The following DLG2 variants were observed in gnomAD, a reference collection of about 807,000 sequenced individuals.
DLG2 encodes discs large MAGUK scaffold protein 2, also known as disks large homolog 2.
A neutral mutation model predicts 132.5 loss-of-function variants in DLG2; 45 were observed. The observed-to-expected ratio is 0.34, with a 90% confidence interval of 0.27 to 0.44. The LOEUF (loss-of-function observed/expected upper bound fraction) is 0.44, where lower values mean the gene tolerates loss of function less well. Among genes scored for constraint, DLG2 ranks in the 20% least tolerant of loss-of-function variants. The probability of loss-of-function intolerance (pLI) is 1.00; values close to 1 mark genes in which losing one functional copy is unlikely to be tolerated. For synonymous variants in DLG2, 424 were observed against 419.6 expected (o/e 1.01, Z -0.13); for missense variants, 1,045 against 1,196.9 (o/e 0.87, Z 1.87).
chr11:83,508,672 T>C (rs1020683994), intron 21 of DLG2, among the ~76,000 whole-genome samples: 9 of 152,120 alleles, frequency 5.9e-5, no homozygotes, highest in African/African-American at 1.9e-4. Context: ...CTATGACATA[T>C]ACACATACAG....
intron 6 of DLG2, among the ~76,000 whole-genome samples, chr11:84,613,365 T>C (rs2099598685): frequency 6.6e-6 from 1 of 152,110 alleles, no homozygotes; most frequent in African/African-American, 2.4e-5. Context: ...CCCACAAAAA[T>C]TTCAGACTAG....
intron 6 of DLG2, among the ~76,000 whole-genome samples, chr11:84,792,470 C>CT (rs555597963): frequency 4.9e-4 from 74 of 150,936 alleles, no homozygotes; most frequent in Non-Finnish European, 7.5e-4. Context: ...CCTTTCTCTT[C>CT]TTTTTTTTTG....
intron 6 of DLG2, among the ~76,000 whole-genome samples, chr11:84,618,337 G>A (rs1358024898): frequency 2.0e-5 from 3 of 151,994 alleles, no homozygotes; most frequent in Non-Finnish European, 4.4e-5. Flanking sequence ...TCCCACTTCC[G>A]TCATTACAGC....
intron 3 of DLG2, among the ~76,000 whole-genome samples, chr11:85,422,672 G>C (rs566281789): frequency 6.6e-6 from 1 of 151,900 alleles, no homozygotes. Context: ...TGTATTTTTA[G>C]TAGAGATGGG....
intron 7 of DLG2, among the ~76,000 whole-genome samples, chr11:84,532,159 A>T (rs1217444604): frequency 7.8e-6 from 1 of 127,582 alleles, no homozygotes; most frequent in East Asian, 2.3e-4. Flanking sequence ...CCGGGCTAGC[A>T]TCCCTCATAA....
At chr11:84,756,559 A>T (rs2066901194) in intron 6 of DLG2, among the ~76,000 whole-genome samples, 1 of 152,204 alleles carries the variant, frequency 6.6e-6, no homozygotes, top group East Asian at 1.9e-4. Context: ...AAAAATACAG[A>T]TAATTCCACT....
At chr11:84,183,498 C>A (rs886749432) in intron 8 of DLG2, among the ~76,000 whole-genome samples, 9 of 152,070 alleles carry the variant, frequency 5.9e-5, no homozygotes, top group African/African-American at 2.2e-4. Context: ...TAAAAAAATT[C>A]ACTAGAGCAG....
rs189459620 is a variant in DLG2, at chr11:85,299,181, T to C, written c.41-13816A>G. Among the ~76,000 whole-genome samples, 311 of 152,192 alleles carry C rather than the reference T, an allele frequency of 2.0e-3. 5 individuals are homozygous for C. The highest frequency in any genetic ancestry group is 7.1e-3 in the African/African-American group (294 of 41,526). On this transcript the variant is annotated intron_variant, in intron 3 of 27. Transcript: ENST00000376104. The stretch of plus-strand genomic sequence containing the variant: ...ATTCCCAATACTCCTATGAGATAGG[T>C]ATTATTTTTATCCCTTTACGAAGGA...
At chr11:85,161,740 G>A (rs2078045281) in intron 4 of DLG2, among the ~76,000 whole-genome samples, 1 of 152,150 alleles carries the variant, frequency 6.6e-6, no homozygotes. Flanking sequence ...TGAAACAGCT[G>A]GATTGACAGA....
rs564295681 is a variant in DLG2, at chr11:84,750,073, G to A, written c.358-215342C>T. Reference sequence around the variant, plus strand: ...ATATATGCCACCTTTTTCATTTGCCGCAAAGAACCACTCACTTGTTCCAAC... The same window carrying A: ...ATATATGCCACCTTTTTCATTTGCCACAAAGAACCACTCACTTGTTCCAAC... On this transcript the variant is annotated intron_variant, in intron 6 of 27. Transcript: ENST00000376104. 1.8e-4 allele frequency among the ~76,000 whole-genome samples: 28 copies of A among 152,060 alleles called. No individual in the cohort carries two copies. In the East Asian group the frequency reaches 3.5e-3, roughly 19 times the overall value.
intron 18 of DLG2, among the ~76,000 whole-genome samples, chr11:83,681,419 A>C (rs2078777629): frequency 6.6e-6 from 1 of 152,288 alleles, no homozygotes; most frequent in East Asian, 1.9e-4. Flanking sequence ...GTGATAATGA[A>C]ACTAGAGAAA....
At position 84,889,740 on chromosome 11, in the gene DLG2, G is replaced by A. The variant is rs149969509; in HGVS notation, c.357+221921C>T. 3.2e-3 allele frequency among the ~76,000 whole-genome samples: 492 copies of A among 152,284 alleles called. 4 individuals carry two copies. The highest frequency in any genetic ancestry group is 0.011 in the African/African-American group (439 of 41,576). On this transcript the variant is annotated intron_variant, in intron 6 of 27. Coordinates refer to ENST00000376104, the MANE Select transcript of DLG2 (RefSeq NM_001142699.3). ...TGAGGTCTTCCAAGGCAAAGCCCTT[G>A]TTGTTACCCATCATGCTGAGGGTTA...
chr11:85,193,129 T>A (rs1169966682), intron 4 of DLG2, among the ~76,000 whole-genome samples: 1 of 152,160 alleles, frequency 6.6e-6, no homozygotes, highest in African/African-American at 2.4e-5. Context: ...CTACTTTCTA[T>A]CTCTATGAAT....
chr11:84,842,665 G>GT (rs1205380070), intron 6 of DLG2, among the ~76,000 whole-genome samples: 2 of 151,908 alleles, frequency 1.3e-5, no homozygotes, highest in Non-Finnish European at 2.9e-5. Context: ...CCACAGAAAG[G>GT]TTGTGCGTAG....
intron 14 of DLG2, among the ~76,000 whole-genome samples, chr11:83,940,875 T>C (rs2082499080): frequency 6.6e-6 from 1 of 152,196 alleles, no homozygotes; most frequent in Non-Finnish European, 1.5e-5. Flanking sequence ...AAATGATGCA[T>C]GAATAGCACA....
rs1037349523 is a variant in DLG2 at position 85,411,103 on chromosome 11, G to C, written c.41-125738C>G. Among the ~76,000 whole-genome samples the C allele has an allele frequency of 6.6e-5, 10 of 151,914 alleles. No individual in the cohort carries two copies. The East Asian group carries it at 1.7e-3, about 26-fold the overall frequency. ...AAGAGATTTGAGGGAATATTCTTCAGAGCAGAAAACAGAAAAGCAGAAGTA... is the reference window on the plus strand; with the variant it reads ...AAGAGATTTGAGGGAATATTCTTCACAGCAGAAAACAGAAAAGCAGAAGTA... On this transcript the variant is annotated intron_variant, in intron 3 of 27. Coordinates refer to ENST00000376104, the MANE Select transcript of DLG2 (RefSeq NM_001142699.3).
intron 4 of DLG2, among the ~76,000 whole-genome samples, chr11:85,167,423 T>C (rs2078532630): frequency 6.6e-6 from 1 of 152,090 alleles, no homozygotes; most frequent in Non-Finnish European, 1.5e-5. Flanking sequence ...TACCCCAAAA[T>C]AGGGCAATGT....
chr11:84,336,797 A>G (rs1028038504), intron 7 of DLG2, among the ~76,000 whole-genome samples: 3 of 152,196 alleles, frequency 2.0e-5, no homozygotes, highest in Admixed American at 6.5e-5. Context: ...ATGGCTGACT[A>G]TAGCAGAAAC....
intron 11 of DLG2, among the ~76,000 whole-genome samples, chr11:83,992,437 A>C (rs1267576405): frequency 2.6e-5 from 4 of 152,150 alleles, no homozygotes; most frequent in Non-Finnish European, 4.4e-5. Flanking sequence ...ATGCAATCTG[A>C]GACCTGGAAG....
Sources: allele counts gnomAD v4.1 joint callset (sites outside exome capture counted in the v4.1 genomes callset), GRCh38; gene constraint gnomAD v4.1.1; transcripts MANE v1.5; gene names NCBI Gene and HGNC (gene_info 2026-07-23, HGNC 2026-07-21).